AGBL1: variants seen among roughly 807,000 people sequenced by gnomAD.
AGBL1 encodes cytosolic carboxypeptidase 4.
AGBL1 carries 130 observed loss-of-function variants against 118.9 expected under a neutral mutation model. The observed-to-expected ratio is 1.09, with a 90% CI of 0.95 to 1.26. The LOEUF (loss-of-function observed/expected upper bound fraction) is 1.26. Ranked by LOEUF, AGBL1 falls within the 50% of genes most tolerant of loss-of-function variation. The pLI, the probability that AGBL1 is intolerant of heterozygous loss-of-function variation, is 0.00. For synonymous variants in AGBL1, 555 were observed against 478.9 expected, an observed-to-expected ratio of 1.16 and a Z score of -2.08; for missense variants, 1,584 against 1,298.1, an observed-to-expected ratio of 1.22 and a Z score of -3.38.
intron 21 of AGBL1, among the ~76,000 whole-genome samples, chr15:86,568,825 G>A (rs1279933496): frequency 6.6e-6 from 1 of 152,116 alleles, no homozygotes; most frequent in Non-Finnish European, 1.5e-5. Context: ...AGAGTGAAGG[G>A]TCAAGCATAG....
chr15:86,963,474 G>C (rs1041501613), intron 23 of AGBL1, among the ~76,000 whole-genome samples: 1 of 151,790 alleles, frequency 6.6e-6, no homozygotes, highest in East Asian at 1.9e-4. Flanking sequence ...CCAATCAAAG[G>C]GAACATCATC....
chr15:86,735,434 C>T (rs2077578543), intron 22 of AGBL1, among the ~76,000 whole-genome samples: 1 of 151,980 alleles, frequency 6.6e-6, no homozygotes, highest in Admixed American at 6.6e-5. Context: ...AACACACACA[C>T]ATTAATGCTG....
chr15:86,471,887 C>A (rs561755009), intron 18 of AGBL1, among the ~76,000 whole-genome samples: 3 of 152,234 alleles, frequency 2.0e-5, no homozygotes, highest in South Asian at 2.1e-4. Context: ...ACAATGTTGG[C>A]AAATGTCACT....
At chr15:86,229,150 TTAA>T (rs1208301807) in intron 6 of AGBL1, among the ~76,000 whole-genome samples, 1 of 152,256 alleles carries the variant, frequency 6.6e-6, no homozygotes, top group Admixed American at 6.5e-5. Context: ...AGGAAATTTT[TTAA>T]TATAATAAAT....
chr15:87,000,703 C>A (rs1230481703), intron 24 of AGBL1, among the ~76,000 whole-genome samples: 1 of 118,418 alleles, frequency 8.4e-6, no homozygotes, highest in African/African-American at 3.4e-5. Context: ...ATTGACTTGG[C>A]GATGCGGGCT....
intron 21 of AGBL1, among the ~76,000 whole-genome samples, chr15:86,563,236 A>C (rs1027641163): frequency 7.9e-5 from 12 of 151,942 alleles, no homozygotes; most frequent in African/African-American, 2.4e-5. Context: ...TTGTGATGTT[A>C]GGGTGTCAGT....
At chr15:86,820,300 A>G (rs1012476710) in intron 22 of AGBL1, among the ~76,000 whole-genome samples, 2 of 152,242 alleles carry the variant, frequency 1.3e-5, no homozygotes, top group Admixed American at 1.3e-4. Context: ...ATGGGAACCA[A>G]TTAAACTAAA....
intron 13 of AGBL1, among the ~76,000 whole-genome samples, chr15:86,269,621 A>C (rs1026339721): frequency 2.6e-5 from 4 of 152,236 alleles, no homozygotes. Context: ...TCAAAATATC[A>C]CATGTACCCC....
At chr15:86,556,413 A>C in intron 21 of AGBL1, 1 of 723,092 alleles carries the variant, frequency 1.4e-6, no homozygotes, top group Non-Finnish European at 2.4e-6. Flanking sequence ...TTGGTTTAAG[A>C]ATCCCATTCT....
intron 24 of AGBL1, among the ~76,000 whole-genome samples, chr15:87,015,820 C>CACTT (rs1458345059): frequency 6.6e-6 from 1 of 152,020 alleles, no homozygotes; most frequent in African/African-American, 2.4e-5. Context: ...AATTTTTAGA[C>CACTT]ACTTATGGGA....
At chr15:86,993,966 C>G (rs1319243662) in intron 24 of AGBL1, among the ~76,000 whole-genome samples, 1 of 152,068 alleles carries the variant, frequency 6.6e-6, no homozygotes, top group Non-Finnish European at 1.5e-5. Flanking sequence ...GAGATCCTTT[C>G]CCATCCATCC....
intron 24 of AGBL1, among the ~76,000 whole-genome samples, chr15:87,003,044 C>T (rs1186971581): frequency 2.6e-5 from 4 of 152,112 alleles, no homozygotes; most frequent in Non-Finnish European, 5.9e-5. Flanking sequence ...GAGGGCATCC[C>T]TGTCTTGTGC....
chr15:86,720,155 G>A (rs954056359), intron 22 of AGBL1, among the ~76,000 whole-genome samples: 2 of 152,132 alleles, frequency 1.3e-5, no homozygotes, highest in East Asian at 1.9e-4. Context: ...ACTTACATGG[G>A]CAATCAATCC....
chr15:86,718,567 A>G (rs1184807754), intron 22 of AGBL1, among the ~76,000 whole-genome samples: 4 of 152,214 alleles, frequency 2.6e-5, no homozygotes, highest in African/African-American at 2.4e-5. Context: ...TTGATGGAGA[A>G]GCAAGCAATC....
At chr15:86,131,830 G>A (rs1438911003) in intron 1 of AGBL1, among the ~76,000 whole-genome samples, 1 of 151,766 alleles carries the variant, frequency 6.6e-6, no homozygotes, top group Non-Finnish European at 1.5e-5. Flanking sequence ...CACTCCTGTA[G>A]TCCCAGCTAC....
chr15:86,928,855 A>C (rs191762600), intron 23 of AGBL1, among the ~76,000 whole-genome samples: 3 of 137,322 alleles, frequency 2.2e-5, no homozygotes, highest in Non-Finnish European at 3.2e-5. Context: ...TTAATTTATA[A>C]TTTTTTTCAC....
At chr15:86,147,242 T>C (rs2077044677) in intron 3 of AGBL1, among the ~76,000 whole-genome samples, 1 of 152,060 alleles carries the variant, frequency 6.6e-6, no homozygotes, top group South Asian at 2.1e-4. Flanking sequence ...AGGTACCGGG[T>C]TCATCTCACT....
At chr15:86,294,070 T>G (rs988924404) in intron 16 of AGBL1, among the ~76,000 whole-genome samples, 2 of 152,022 alleles carry the variant, frequency 1.3e-5, no homozygotes, top group African/African-American at 4.8e-5. Context: ...GCCCCTGTTT[T>G]GATTAGGGAA....
At chr15:86,084,951 C>G (rs151149917) in intron 1 of AGBL1, among the ~76,000 whole-genome samples, 7 of 152,202 alleles carry the variant, frequency 4.6e-5, no homozygotes, top group Non-Finnish European at 8.8e-5. Flanking sequence ...GAATTATAAC[C>G]CCTACTTATT....
Sources: allele counts gnomAD v4.1 joint callset (sites outside exome capture counted in the v4.1 genomes callset), GRCh38; gene constraint gnomAD v4.1.1; transcripts MANE v1.5; gene names NCBI Gene and HGNC (gene_info 2026-07-23, HGNC 2026-07-21).